FBXL17: variants seen among roughly 807,000 people sequenced by gnomAD.
FBXL17 encodes the protein F-box/LRR-repeat protein 17.
FBXL17 carries 22 observed loss-of-function variants against 66.2 expected under a neutral mutation model. The ratio of observed to expected loss-of-function variants is 0.33; its 90% CI spans 0.24 to 0.47. The LOEUF (loss-of-function observed/expected upper bound fraction) is 0.47. Ranked by LOEUF, FBXL17 falls within the 20% of genes least tolerant of loss-of-function variation. The pLI is 1.00. For synonymous variants in FBXL17, 474 were observed against 400.5 expected, an observed-to-expected ratio of 1.18 and a Z score of -2.19; for missense variants, 878 against 948.2, an observed-to-expected ratio of 0.93 and a Z score of 0.97.
intron 7 of FBXL17, among the ~76,000 whole-genome samples, chr5:107,908,283 A>G (rs1749829172): frequency 6.6e-6 from 1 of 152,194 alleles, no homozygotes; most frequent in Non-Finnish European, 1.5e-5. Flanking sequence ...TAGTCAAGTT[A>G]GGTTATTTGC....
intron 5 of FBXL17, among the ~76,000 whole-genome samples, chr5:108,192,643 T>C (rs1325699294): frequency 1.3e-5 from 2 of 152,036 alleles, no homozygotes; most frequent in Non-Finnish European, 2.9e-5. Context: ...AATACAAAAA[T>C]TAGCCAGGCA....
chr5:108,234,583 G>C (rs1755514008), intron 4 of FBXL17, among the ~76,000 whole-genome samples: 1 of 152,172 alleles, frequency 6.6e-6, no homozygotes, highest in African/African-American at 2.4e-5. Flanking sequence ...CAGAGAAGTA[G>C]AGTGGCAGAT....
chr5:107,920,523 A>G (rs746121264), intron 7 of FBXL17, among the ~76,000 whole-genome samples: 5 of 152,204 alleles, frequency 3.3e-5, no homozygotes. Context: ...TTCTAGGTAG[A>G]CATGAATTAT....
intron 6 of FBXL17, among the ~76,000 whole-genome samples, chr5:108,117,440 C>G (rs1432603776): frequency 1.3e-5 from 2 of 151,952 alleles, no homozygotes; most frequent in East Asian, 3.9e-4. Flanking sequence ...AATATAACCC[C>G]AAATTACTAG....
At chr5:107,880,193 G>A (rs1159555302) in intron 8 of FBXL17, 3 of 226,566 alleles carry the variant, frequency 1.3e-5, no homozygotes, top group Non-Finnish European at 2.2e-5. Flanking sequence ...TTAGCTTCCC[G>A]AGTAGCTGGG....
intron 7 of FBXL17, among the ~76,000 whole-genome samples, chr5:107,945,137 A>C (rs1187770154): frequency 1.3e-5 from 2 of 152,156 alleles, no homozygotes; most frequent in Non-Finnish European, 2.9e-5. Flanking sequence ...GGAAACTTGA[A>C]GATTCAATAC....
intron 6 of FBXL17, among the ~76,000 whole-genome samples, chr5:108,078,264 T>C (rs1483060304): frequency 2.0e-5 from 3 of 152,184 alleles, no homozygotes; most frequent in Non-Finnish European, 4.4e-5. Context: ...TATACTTAAA[T>C]TTGCTGTTTT....
chr5:108,250,542 T>C (rs1251210255), intron 4 of FBXL17, among the ~76,000 whole-genome samples: 4 of 152,096 alleles, frequency 2.6e-5, no homozygotes, highest in Admixed American at 2.0e-4. Context: ...GTTTTCTTAC[T>C]GCAGCTGGTA....
chr5:108,284,251 T>C (rs1242871636), intron 4 of FBXL17, among the ~76,000 whole-genome samples: 1 of 151,888 alleles, frequency 6.6e-6, no homozygotes, highest in African/African-American at 2.4e-5. Context: ...ATCAAAAAGA[T>C]ATCTGCATTC....
intron 6 of FBXL17, among the ~76,000 whole-genome samples, chr5:108,117,711 G>A (rs905002596): frequency 1.3e-5 from 2 of 152,002 alleles, no homozygotes; most frequent in Non-Finnish European, 2.9e-5. Flanking sequence ...GGTTTGGGGG[G>A]CAAAAAAAGC....
chr5:108,126,418 A>C (rs1433879098), intron 6 of FBXL17, among the ~76,000 whole-genome samples: 2 of 152,036 alleles, frequency 1.3e-5, no homozygotes, highest in African/African-American at 4.8e-5. Context: ...CTGTGAAAGT[A>C]ATAAGCCTAA....
intron 5 of FBXL17, among the ~76,000 whole-genome samples, chr5:108,220,667 A>T (rs1321371282): frequency 6.6e-6 from 1 of 152,164 alleles, no homozygotes; most frequent in African/African-American, 2.4e-5. Context: ...AAAATATCCC[A>T]GCCTAAGTCA....
chr5:108,274,292 C>A (rs905559562), intron 4 of FBXL17, among the ~76,000 whole-genome samples: 1 of 152,034 alleles, frequency 6.6e-6, no homozygotes, highest in Non-Finnish European at 1.5e-5. Context: ...CCCGGGGGGG[C>A]CAGTTTAGAG....
chr5:107,940,774 A>G (rs113042072), intron 7 of FBXL17, among the ~76,000 whole-genome samples: 73 of 152,250 alleles, frequency 4.8e-4, no homozygotes, highest in Non-Finnish European at 6.5e-4. Context: ...TTGGATCTGC[A>G]TTTTAAAAGG....
intron 4 of FBXL17, among the ~76,000 whole-genome samples, chr5:108,230,741 A>AC (rs1376346166): frequency 6.6e-6 from 1 of 150,660 alleles, no homozygotes; most frequent in African/African-American, 2.4e-5. Context: ...AAAAAAAAAA[A>AC]AGCAAAATCT....
At chr5:108,055,578 T>C (rs1454369768) in intron 6 of FBXL17, among the ~76,000 whole-genome samples, 7 of 117,364 alleles carry the variant, frequency 6.0e-5, no homozygotes, top group African/African-American at 2.0e-4. Flanking sequence ...CACTGCTCTA[T>C]AGCCTGGGCG....
intron 6 of FBXL17, among the ~76,000 whole-genome samples, chr5:108,147,980 T>A (rs907640673): frequency 6.7e-6 from 1 of 148,568 alleles, no homozygotes. Flanking sequence ...AAAACAATAA[T>A]ATAGGCAAAG....
intron 6 of FBXL17, among the ~76,000 whole-genome samples, chr5:108,184,283 A>T (rs1475442657): frequency 6.6e-6 from 1 of 152,006 alleles, no homozygotes; most frequent in Non-Finnish European, 1.5e-5. Context: ...ACTTAGTCGG[A>T]TGTGGTGGTA....
At chr5:107,882,959 A>G (rs1748839468) in intron 7 of FBXL17, among the ~76,000 whole-genome samples, 1 of 152,206 alleles carries the variant, frequency 6.6e-6, no homozygotes, top group East Asian at 1.9e-4. Context: ...ATAAGCAGAT[A>G]AAGAGTCAAT....
Sources: allele counts gnomAD v4.1 joint callset (sites outside exome capture counted in the v4.1 genomes callset), GRCh38; gene constraint gnomAD v4.1.1; transcripts MANE v1.5; gene names NCBI Gene and HGNC (gene_info 2026-07-23, HGNC 2026-07-21).